CEP350: variants seen among roughly 807,000 people sequenced by gnomAD.
CEP350 encodes the protein centrosome-associated protein 350.
A neutral mutation model predicts 331.8 loss-of-function variants in CEP350; 126 were observed. That is an observed-to-expected ratio of 0.38 (90% CI 0.33 to 0.44). CEP350 has a LOEUF of 0.44. CEP350 is among the 20% of genes least tolerant of loss of function. The pLI is 1.00. For synonymous variants in CEP350, 1,200 were observed against 1,259.5 expected, an observed-to-expected ratio of 0.95 and a Z score of 1.00; for missense variants, 3,406 against 3,634.6, an observed-to-expected ratio of 0.94 and a Z score of 1.62.
chr1:180,089,853 C>A (rs1005429131), intron 32 of CEP350, among the ~76,000 whole-genome samples: 2 of 152,034 alleles, frequency 1.3e-5, no homozygotes, highest in Non-Finnish European at 2.9e-5. Context: ...CCATAAATCA[C>A]CCAGAGGAGA....
At chr1:180,029,278 G>A (rs543728110) in intron 14 of CEP350, among the ~76,000 whole-genome samples, 14 of 152,130 alleles carry the variant, frequency 9.2e-5, no homozygotes, top group African/African-American at 3.1e-4. Flanking sequence ...ATGTTATCTT[G>A]TCTATAATTT....
chr1:180,060,293 A>G (rs1220384308), intron 25 of CEP350, among the ~76,000 whole-genome samples: 1 of 152,192 alleles, frequency 6.6e-6, no homozygotes, highest in Non-Finnish European at 1.5e-5. Flanking sequence ...GACAAAATGT[A>G]TAAGGCTCTT....
At chr1:180,019,306 G>A (rs867836713) in intron 11 of CEP350, among the ~76,000 whole-genome samples, 5 of 152,088 alleles carry the variant, frequency 3.3e-5, no homozygotes, top group African/African-American at 1.2e-4. Flanking sequence ...AGACTTAATG[G>A]ATACCCTACC....
At chr1:180,094,738 G>T in intron 34 of CEP350, 122 bp downstream of exon 34, 1 of 1,082,136 alleles carries the variant, frequency 9.2e-7, no homozygotes, top group South Asian at 1.8e-5. Flanking sequence ...TTCCCTTGAC[G>T]TGTTGTTTAT....
At chr1:180,060,544 A>G (rs1418726750) in intron 25 of CEP350, among the ~76,000 whole-genome samples, 1 of 152,142 alleles carries the variant, frequency 6.6e-6, no homozygotes, top group Non-Finnish European at 1.5e-5. Context: ...AGTCCTAGCT[A>G]CTTGGGAGGC....
At chr1:179,999,074 G>A (rs1363979087) in intron 6 of CEP350, among the ~76,000 whole-genome samples, 1 of 152,056 alleles carries the variant, frequency 6.6e-6, no homozygotes, top group African/African-American at 2.4e-5. Flanking sequence ...TTGGTTCCAA[G>A]ATAGTGATTA....
intron 16 of CEP350, among the ~76,000 whole-genome samples, chr1:180,035,465 A>C (rs1276667031): frequency 6.6e-6 from 1 of 152,170 alleles, no homozygotes; most frequent in Admixed American, 6.5e-5. Context: ...CTGACTGTCT[A>C]TTTAGGGGTT....
At chr1:180,099,461 G>C (rs1660667675) in intron 37 of CEP350, among the ~76,000 whole-genome samples, 1 of 152,000 alleles carries the variant, frequency 6.6e-6, no homozygotes, top group South Asian at 2.1e-4. Context: ...AATAATAGCT[G>C]TTACCTCATC....
At chr1:180,028,053 C>T (rs375295516) in intron 14 of CEP350, among the ~76,000 whole-genome samples, 33 of 152,190 alleles carry the variant, frequency 2.2e-4, no homozygotes, top group African/African-American at 7.9e-4. Flanking sequence ...CCAGCACTTC[C>T]GAAACTGTAT....
intron 1 of CEP350, among the ~76,000 whole-genome samples, chr1:179,958,263 GAAATTTGGC>G (rs941720768): frequency 1.6e-4 from 25 of 152,100 alleles, no homozygotes; most frequent in Admixed American, 1.2e-3. Flanking sequence ...CTTCTGGAAG[GAAATTTGGC>G]ATTCCCTATC....
rs758354337 is a variant in CEP350 at position 180,041,167 on chromosome 1, G to C, written c.4140G>C (p.Leu1380Phe). 4 of 1,597,110 alleles carry C rather than the reference G, an allele frequency of 2.5e-6. No individual in the cohort carries two copies. In the South Asian group the frequency reaches 4.6e-5, roughly 18 times the overall value. The change falls in exon 18 of 38, where the codon TTG (leucine) becomes TTC (phenylalanine). Residue 1380 changes from leucine (L) to phenylalanine (F), a missense_variant. Leu to Phe is a conservative substitution (Grantham distance 22). Coordinates refer to ENST00000367607, the MANE Select transcript of CEP350 (RefSeq NM_014810.5). Reference protein sequence around the residue: ...KAQQQRHERDLALLKLKAEQE... With the variant: ...KAQQQRHERDFALLKLKAEQE... ...AACAGCAACGCCATGAAAGAGACTT[G>C]GCCCTCTTGAAACTAAAGGCTGAAC...
At chr1:180,105,706 C>T (rs1330679267) in intron 37 of CEP350, among the ~76,000 whole-genome samples, 1 of 152,072 alleles carries the variant, frequency 6.6e-6, no homozygotes, top group Non-Finnish European at 1.5e-5. Flanking sequence ...TGCAATAAAT[C>T]CCATTTGATT....
At chr1:180,005,322 C>G (rs1654183817) in intron 7 of CEP350, among the ~76,000 whole-genome samples, 1 of 152,122 alleles carries the variant, frequency 6.6e-6, no homozygotes, top group Admixed American at 6.5e-5. Context: ...CTTAAACCTG[C>G]TACTCTGGTA....
intron 6 of CEP350, among the ~76,000 whole-genome samples, chr1:180,002,086 G>A (rs1047063928): frequency 6.6e-6 from 1 of 152,176 alleles, no homozygotes; most frequent in Non-Finnish European, 1.5e-5. Context: ...TACCCACTAG[G>A]GTGGCTATAC....
intron 1 of CEP350, chr1:179,969,377 T>G: frequency 3.9e-6 from 2 of 515,594 alleles, no homozygotes; most frequent in Non-Finnish European, 7.7e-6. Flanking sequence ...TGCAGACTGG[T>G]CTGAGGGCGT....
chr1:179,987,146 T>A lies in CEP350; in HGVS notation c.74-94T>A. ...CCTAATAAGGTAGTTTTCAGACTTT[T>A]GAGTGCATTTGGGAGCTTATTAAAA... is the stretch of plus-strand genomic sequence containing the variant. On this transcript the variant is annotated intron_variant, in intron 2 of 37. Coordinates refer to ENST00000367607, the MANE Select transcript of CEP350 (RefSeq NM_014810.5). 3 of 686,986 alleles carry A rather than the reference T, an allele frequency of 4.4e-6. No individual in the cohort carries two copies. The South Asian group carries it at 5.3e-5, about 12-fold the overall frequency. The allele number at this position is 686,986 out of a possible 1,614,324, so 42.6% of individuals were successfully genotyped here.
chr1:180,058,317 C>T (rs1211933555), intron 25 of CEP350, among the ~76,000 whole-genome samples: 1 of 152,170 alleles, frequency 6.6e-6, no homozygotes, highest in Non-Finnish European at 1.5e-5. Context: ...TTGTCCAATA[C>T]TGTAGCTACT....
intron 32 of CEP350, among the ~76,000 whole-genome samples, chr1:180,089,380 C>G (rs576515742): frequency 6.6e-6 from 1 of 151,908 alleles, no homozygotes; most frequent in African/African-American, 2.4e-5. Context: ...GTCAGGAGTT[C>G]GAGACTAGCC....
At chr1:180,027,896 A>G (rs1377508932) in intron 14 of CEP350, among the ~76,000 whole-genome samples, 1 of 152,186 alleles carries the variant, frequency 6.6e-6, no homozygotes, top group African/African-American at 2.4e-5. Flanking sequence ...AATGTGGTAC[A>G]TTTTGTCAAA....
Sources: gnomAD v4.1 joint callset for allele counts (sites outside exome capture counted in the v4.1 genomes callset) on GRCh38, gnomAD v4.1.1 for gene constraint, MANE v1.5 for transcripts, NCBI Gene and HGNC (gene_info 2026-07-23, HGNC 2026-07-21) for gene names.